KIAA0232: variants seen among roughly 807,000 people sequenced by gnomAD.
The protein encoded by KIAA0232 is KIAA0232.
Under a neutral mutation model 122.0 loss-of-function variants are expected in KIAA0232, and 27 were observed. The ratio of observed to expected loss-of-function variants is 0.22; its 90% CI spans 0.16 to 0.31. KIAA0232 has a LOEUF of 0.31. Among genes scored for constraint, KIAA0232 ranks in the 10% least tolerant of loss-of-function variants. The pLI is 1.00. For synonymous variants in KIAA0232, 613 were observed against 587.6 expected (o/e 1.04, Z -0.63); for missense variants, 1,551 against 1,634.2 (o/e 0.95, Z 0.88).
At chr4:6,879,888 T>C (rs13134551) in intron 9 of KIAA0232, among the ~76,000 whole-genome samples, 5,409 of 21,034 alleles carry the variant, frequency 0.26, 489 homozygotes, top group Middle Eastern at 0.5. Flanking sequence ...GTCTGCAGTG[T>C]CCCCTCACCA....
chr4:6,874,320 C>G (rs115095259), intron 8 of KIAA0232, among the ~76,000 whole-genome samples: 242 of 152,346 alleles, frequency 1.6e-3, no homozygotes, highest in African/African-American at 5.5e-3. Context: ...CTGGGGCTGC[C>G]TGCAGGGAGA....
At chr4:6,870,803 GAA>G (rs11461019) in intron 7 of KIAA0232, among the ~76,000 whole-genome samples, 1 of 143,798 alleles carries the variant, frequency 7.0e-6, no homozygotes, top group African/African-American at 2.5e-5. Context: ...CTCTGTCTTG[GAA>G]AAAAAAAAAA....
Position 6,864,183 on chromosome 4 carries a change from G to A in KIAA0232, c.3801G>A (p.Glu1267=). 1 of 1,605,758 alleles carries A rather than the reference G, an allele frequency of 6.2e-7. No homozygotes were observed. The highest frequency in any genetic ancestry group is 2.2e-5 in the East Asian group (1 of 44,824). Residue 1267 remains glutamate (E), a splice_region_variant and synonymous_variant, in exon 7 of 10, where the codon GAG becomes GAA. Transcript: ENST00000307659. The stretch of plus-strand genomic sequence containing the variant: ...CAGTTTCTTCGGGACAGCTGGAAGA[G>A]GTATGTGTCTGCGTGTTGGTATTTG... The part of the protein sequence containing the change: ...DNPVSSGQLE[E]FPVLNTDIQG...
At chr4:6,840,762 C>A (rs1292368271) in intron 3 of KIAA0232, among the ~76,000 whole-genome samples, 1 of 151,036 alleles carries the variant, frequency 6.6e-6, no homozygotes, top group Non-Finnish European at 1.5e-5. Flanking sequence ...TCGTGATCCA[C>A]CCACCTCTGC....
At chr4:6,879,059 C>T (rs1173745640) in intron 9 of KIAA0232, among the ~76,000 whole-genome samples, 1 of 152,154 alleles carries the variant, frequency 6.6e-6, no homozygotes, top group East Asian at 1.9e-4. Context: ...CGCTGTCAGC[C>T]ACTTCGCATC....
At chr4:6,786,544 G>A (rs1716627289) in intron 1 of KIAA0232, among the ~76,000 whole-genome samples, 1 of 152,168 alleles carries the variant, frequency 6.6e-6, no homozygotes, top group African/African-American at 2.4e-5. Context: ...CTGGGCTCAA[G>A]CAATCCTCCC....
intron 1 of KIAA0232, among the ~76,000 whole-genome samples, chr4:6,800,043 C>CTTTCTTTTTTTT (rs1717313307): frequency 1.7e-5 from 1 of 60,088 alleles, no homozygotes; most frequent in Admixed American, 1.5e-4. Context: ...TTCTTTCTTT[C>CTTTCTTTTTTTT]TTTTTTTTTT....
At chr4:6,873,024 G>A (rs972940556) in intron 8 of KIAA0232, among the ~76,000 whole-genome samples, 3 of 152,190 alleles carry the variant, frequency 2.0e-5, no homozygotes, top group Non-Finnish European at 2.9e-5. Flanking sequence ...CACTGTTAGC[G>A]TCTTCGTTGA....
intron 2 of KIAA0232, among the ~76,000 whole-genome samples, chr4:6,816,633 C>CA (rs1718142384): frequency 6.6e-6 from 1 of 152,092 alleles, no homozygotes; most frequent in African/African-American, 2.4e-5. Context: ...ATGCTGTCTT[C>CA]ATAACATGAT....
chr4:6,849,048 G>T (rs1055848504), intron 4 of KIAA0232, among the ~76,000 whole-genome samples: 2 of 152,208 alleles, frequency 1.3e-5, no homozygotes, highest in African/African-American at 4.8e-5. Flanking sequence ...GGTTTGGAGA[G>T]GAGTAGTGCA....
rs539197631 is a variant in KIAA0232 at position 6,793,288 on chromosome 4, T to C, written c.-354+10447T>C. ...AGCCATTAAAAAACAACTGTTTATT[T>C]GAAATCCACACAGAGTCAGTATGTA... On this transcript the variant is annotated intron_variant, in intron 1 of 9. Transcript: ENST00000307659. 2.6e-5 allele frequency among the ~76,000 whole-genome samples: 4 copies of C among 152,332 alleles called. No homozygotes were observed. The South Asian group carries it at 8.3e-4, about 32-fold the overall frequency.
chr4:6,848,830 C>G (rs1199330728), intron 4 of KIAA0232, among the ~76,000 whole-genome samples: 1 of 152,202 alleles, frequency 6.6e-6, no homozygotes, highest in Non-Finnish European at 1.5e-5. Context: ...TGTGCTCTCT[C>G]TACAGACCAG....
chr4:6,824,673 C>G lies in KIAA0232; in HGVS notation c.220C>G (p.Leu74Val). Reference protein sequence around the residue: ...LLLHDSYDYDLQEQENDIFLG... With the variant: ...LLLHDSYDYDVQEQENDIFLG... Reference sequence around the variant, plus strand: ...GCTGCATGACAGCTATGACTACGACCTGCAGGAACAGGTATTTACATATTT... The same window carrying G: ...GCTGCATGACAGCTATGACTACGACGTGCAGGAACAGGTATTTACATATTT... Residue 74 changes from leucine (L) to valine (V), a missense_variant, in exon 3 of 10, where the codon CTG becomes GTG. By Grantham distance (32) the Leu-to-Val change is conservative. This residue lies in a region of KIAA0232 where 377 missense variants were observed against 381.7 expected (regional missense o/e 0.99). Transcript: ENST00000307659. 6.2e-7 allele frequency: 1 copy of G among 1,613,658 alleles called. No individual in the cohort carries two copies. Among genetic ancestry groups the G allele is most frequent in the Non-Finnish European group, 8.5e-7 (1 of 1,179,532 alleles).
intron 6 of KIAA0232, among the ~76,000 whole-genome samples, chr4:6,860,593 A>G (rs1342335629): frequency 1.3e-5 from 2 of 152,200 alleles, no homozygotes; most frequent in African/African-American, 4.8e-5. Context: ...TCTTTCTTCT[A>G]CTATTTGTCC....
At position 6,863,005 on chromosome 4, in the gene KIAA0232, G is replaced by A. The variant is rs1022061755; in HGVS notation, c.2623G>A (p.Asp875Asn). 52 of 1,614,094 alleles carry A rather than the reference G, an allele frequency of 3.2e-5. No individual in the cohort carries two copies. Among genetic ancestry groups the A allele is most frequent in the Non-Finnish European group, 4.2e-5 (49 of 1,180,030 alleles). Residue 875 changes from aspartate to asparagine, a missense_variant, in exon 7 of 10, where the codon GAT becomes AAT. Transcript: ENST00000307659. Reference protein sequence around the residue: ...EAELETLQEPDKAVRRSEYHL... With the variant: ...EAELETLQEPNKAVRRSEYHL... Reference sequence around the variant, plus strand: ...TGAACTGGAGACCCTTCAGGAGCCTGATAAGGCTGTGCGGAGGTCAGAGTA... The same window carrying A: ...TGAACTGGAGACCCTTCAGGAGCCTAATAAGGCTGTGCGGAGGTCAGAGTA...
At chr4:6,876,531 G>T (rs761405260) in intron 8 of KIAA0232, 129 bp from the exon 9 acceptor site, 3 of 638,134 alleles carry the variant, frequency 4.7e-6, no homozygotes, top group South Asian at 3.8e-5. Flanking sequence ...TAAAACCTCC[G>T]AAGGGTTGGG....
intron 2 of KIAA0232, among the ~76,000 whole-genome samples, chr4:6,823,009 A>G (rs1282480310): frequency 1.4e-5 from 2 of 147,450 alleles, no homozygotes; most frequent in Non-Finnish European, 3.0e-5. Context: ...ATTCCCACCT[A>G]TGAGTGAGAA....
chr4:6,870,866 G>C (rs1721441600), intron 7 of KIAA0232, among the ~76,000 whole-genome samples: 1 of 151,772 alleles, frequency 6.6e-6, no homozygotes, highest in Non-Finnish European at 1.5e-5. Flanking sequence ...CTGCCTGAAT[G>C]TATGAGGGAG....
At position 6,805,164 on chromosome 4, in the gene KIAA0232, A is replaced by G. The variant is rs1424981859; in HGVS notation, c.-270+558A>G. ...TTAAATGATGACACTGTTTATTTAAATATCTTCCTAGGGTCCAGAAGAATT... is the reference window on the plus strand; with the variant it reads ...TTAAATGATGACACTGTTTATTTAAGTATCTTCCTAGGGTCCAGAAGAATT... On this transcript the variant is annotated intron_variant, in intron 2 of 9. Transcript: ENST00000307659. 2.0e-5 allele frequency among the ~76,000 whole-genome samples: 3 copies of G among 152,232 alleles called. No homozygotes were observed. The East Asian group carries it at 5.8e-4, about 29-fold the overall frequency.
Sources: gnomAD v4.1 joint callset for allele counts (sites outside exome capture counted in the v4.1 genomes callset) on GRCh38, gnomAD v4.1.1 for gene constraint, gnomAD v4.1.1 regional missense constraint, MANE v1.5 for transcripts, NCBI Gene and HGNC (gene_info 2026-07-23, HGNC 2026-07-21) for gene names.